The following CHD3 variants were observed in gnomAD, a reference collection of about 807,000 sequenced individuals.
CHD3 encodes chromodomain helicase DNA binding protein 3, also known as ATP-dependent chromatin remodeler CHD3.
A neutral mutation model predicts 248.9 loss-of-function variants in CHD3; 52 were observed. The observed-to-expected ratio is 0.21, with a 90% CI of 0.17 to 0.26. The LOEUF is 0.26. Ranked by LOEUF, CHD3 falls within the 10% of genes least tolerant of loss-of-function variation. The pLI, the probability that CHD3 is intolerant of heterozygous loss-of-function variation, is 1.00. For missense variants in CHD3, 1,482 were observed against 2,605.8 expected (o/e 0.57, Z 9.39); for synonymous variants, 985 against 985.2 (o/e 1.00, Z 0.00).
chr17:7,891,670 A>G (rs910293014), intron 4 of CHD3, among the ~76,000 whole-genome samples: 1 of 152,038 alleles, frequency 6.6e-6, no homozygotes, highest in Non-Finnish European at 1.5e-5. Flanking sequence ...GGACCAGCCC[A>G]TCCAACATGG....
chr17:7,908,121 T>A lies in CHD3; in HGVS notation c.5152+102T>A. 2.9e-6 allele frequency: 4 copies of A among 1,370,572 alleles called. No individual in the cohort carries two copies. Among genetic ancestry groups the A allele is most frequent in the Non-Finnish European group, 4.0e-6 (4 of 1,003,172 alleles). The allele number at this position is 1,370,572 out of a possible 1,614,324, so 84.9% of individuals were successfully genotyped here. A position where few individuals can be genotyped will look rare whatever the true frequency, so the allele number is the denominator to read the frequency against. ...GCTTCCTGCTACCTTTAATTCCAAG[T>A]AACTTCCAATGAAGTATGTTGCATG... On this transcript the variant is annotated intron_variant, in intron 34 of 39. Coordinates refer to ENST00000330494, the MANE Select transcript of CHD3 (RefSeq NM_001005273.3). This position sits in a 1 kb window ranked among gnomAD's most constrained non-coding sequence, Gnocchi z 5.8.
intron 12 of CHD3, 137 bp from the exon 13 acceptor site, chr17:7,898,358 AG>A: frequency 1.3e-6 from 1 of 748,882 alleles, no homozygotes; most frequent in Non-Finnish European, 2.2e-6. Context: ...CCAAAGGGCA[AG>A]GGTAAAGAGC....
chr17:7,908,239 C>A lies in CHD3; in HGVS notation c.5153-163C>A, dbSNP rs1435153689. Among the ~76,000 whole-genome samples, 1 of 152,204 alleles carries A rather than the reference C, an allele frequency of 6.6e-6. No homozygotes were observed. The highest frequency in any genetic ancestry group is 1.5e-5 in the Non-Finnish European group (1 of 68,046). ...CACCTTTATTCTTAATTCTAACGAA[C>A]CTGGTTAGAACTGAGTTTGTTCCAA... is the stretch of plus-strand genomic sequence containing the variant. On this transcript the variant is annotated intron_variant, in intron 34 of 39. Coordinates refer to ENST00000330494, the MANE Select transcript of CHD3 (RefSeq NM_001005273.3). The surrounding 1 kb of genome is among the most constrained non-coding windows in gnomAD (Gnocchi z 5.8).
chr17:7,886,100 A>G (rs1280227356), upstream of CHD3, among the ~76,000 whole-genome samples: 1 of 151,738 alleles, frequency 6.6e-6, no homozygotes. This position sits in a 1 kb window ranked among gnomAD's most constrained non-coding sequence, Gnocchi z 4.2. Flanking sequence ...ATTCACTGTC[A>G]CTCACTCTCT....
At chr17:7,887,257 C>A (rs1461359927), upstream of CHD3, among the ~76,000 whole-genome samples, 1 of 152,152 alleles carries the variant, frequency 6.6e-6, no homozygotes. Flanking sequence ...TGCTTTGATT[C>A]TCACCATTTT....
rs1419476444 is a variant in CHD3 at position 7,889,076 on chromosome 17, C to CAGGA, written c.76_77insAGGA (p.Leu26GlnfsTer6). On this transcript the variant is annotated frameshift_variant, in exon 1 of 40. Coordinates refer to ENST00000330494, the MANE Select transcript of CHD3 (RefSeq NM_001005273.3). LOFTEE classifies it high-confidence loss of function. The surrounding 1 kb of genome is among the most constrained non-coding windows in gnomAD (Gnocchi z 4.5). ...GCTGAGGATTTCTTTTCCTCCAGGA[C>CAGGA]TGTGTTGGGGTGACAGGATGCCTGG... The CAGGA allele has an allele frequency of 5.6e-6, 9 of 1,614,200 alleles. No individual in the cohort carries two copies. The highest frequency in any genetic ancestry group is 7.6e-6 in the Non-Finnish European group (9 of 1,180,032).
chr17:7,890,374 A>T, intron 2 of CHD3, 197 bp from the exon 3 acceptor site: 1 of 435,190 alleles, frequency 2.3e-6, no homozygotes, highest in Non-Finnish European at 4.1e-6. Flanking sequence ...GGTTGCAGTG[A>T]GCCGAGATCA....
upstream of CHD3, chr17:7,884,866 G>T: frequency 7.9e-7 from 1 of 1,258,328 alleles, no homozygotes; most frequent in East Asian, 3.1e-5. Context: ...TGTCGGAGGA[G>T]GAAGAAGAGG....
chr17:7,889,636 AG>A lies in CHD3; in HGVS notation c.101-26del. 1 of 1,590,488 alleles carries A rather than the reference AG, an allele frequency of 6.3e-7. No homozygotes were observed. Among genetic ancestry groups the A allele is most frequent in the Non-Finnish European group, 8.6e-7 (1 of 1,165,744 alleles). ...TCAGAGGCTGGAAACCTAGAGGCTT[AG>A]GTTTTCTGATGCTTTTTGCTTCAAA... On this transcript the variant is annotated intron_variant, in intron 1 of 39. Transcript: ENST00000330494. The surrounding 1 kb of genome is among the most constrained non-coding windows in gnomAD (Gnocchi z 4.5).
Position 7,899,673 on chromosome 17 carries a change from A to C in CHD3, c.2544+130A>C, listed in dbSNP as rs1005241803. The C allele has an allele frequency of 1.3e-5, 14 of 1,055,990 alleles. No individual in the cohort carries two copies. In the South Asian group the frequency reaches 1.9e-4, roughly 15 times the overall value. The allele number at this position is 1,055,990 out of a possible 1,614,324, so 65.4% of individuals were successfully genotyped here. On this transcript the variant is annotated intron_variant, in intron 15 of 39. Transcript: ENST00000330494. The surrounding 1 kb of genome is among the most constrained non-coding windows in gnomAD (Gnocchi z 6.8). ...CCTCCACCTGTCCTCCTGTCTCTGC[A>C]CTACCATCCTAGAGATATGGCAGGT...
rs1970733617 is a variant in CHD3 at position 7,904,885 on chromosome 17, G to T, written c.4073-215G>T. Among the ~76,000 whole-genome samples, 1 of 152,166 alleles carries T rather than the reference G, an allele frequency of 6.6e-6. No homozygotes were observed. The highest frequency in any genetic ancestry group is 6.5e-5 in the Admixed American group (1 of 15,274). On this transcript the variant is annotated intron_variant, in intron 25 of 39. Transcript: ENST00000330494. This position sits in a 1 kb window ranked among gnomAD's most constrained non-coding sequence, Gnocchi z 4.4. ...AGTAGGTTTTGCAGGAGAAGCAGAGGGGCCCAGAGACTGAAGGTGGGCGGT... is the reference window on the plus strand; with the variant it reads ...AGTAGGTTTTGCAGGAGAAGCAGAGTGGCCCAGAGACTGAAGGTGGGCGGT...
chr17:7,907,941 C>T lies in CHD3; in HGVS notation c.5074C>T (p.Pro1692Ser). Residue 1692 changes from proline to serine, a missense_variant, in exon 34 of 40, where the codon CCA becomes TCA. By Grantham distance (74) the Pro-to-Ser change is moderately conservative (BLOSUM62 -1). This residue lies in a region of CHD3 where 254 missense variants were observed against 266.7 expected (regional missense o/e 0.95). Coordinates refer to ENST00000330494, the MANE Select transcript of CHD3 (RefSeq NM_001005273.3). This position sits in a 1 kb window ranked among gnomAD's most constrained non-coding sequence, Gnocchi z 4.3. ...RELRPGPRDE[P>S]RSNGRREEKT... ...GCTTCGACCAGGGCCTCGAGATGAG[C>T]CACGGTCCAATGGGCGACGAGAGGA... 2 of 1,613,118 alleles carry T rather than the reference C, an allele frequency of 1.2e-6. No individual in the cohort carries two copies. Among genetic ancestry groups the T allele is most frequent in the Non-Finnish European group, 1.7e-6 (2 of 1,179,266 alleles).
At position 7,899,565 on chromosome 17, in the gene CHD3, C is replaced by T; in HGVS notation, c.2544+22C>T. ...GAAGGTAAGACCCTCTACCTCATAT[C>T]CTCTGAGACCCTCAAAGCTGTCACT... On this transcript the variant is annotated intron_variant, in intron 15 of 39. Coordinates refer to ENST00000330494, the MANE Select transcript of CHD3 (RefSeq NM_001005273.3). The surrounding 1 kb of genome is among the most constrained non-coding windows in gnomAD (Gnocchi z 6.8). 2.5e-6 allele frequency: 4 copies of T among 1,598,098 alleles called. No individual in the cohort carries two copies. The highest frequency in any genetic ancestry group is 3.4e-6 in the Non-Finnish European group (4 of 1,167,166).
At position 7,898,579 on chromosome 17, in the gene CHD3, G is replaced by T. The variant is rs771984924; in HGVS notation, c.2135G>T (p.Ser712Ile). ...GAGCTACAGGGTGATGGGCCTCCCA[G>T]TTCTCCCACTAATGATGTGAGTCCT... ...KKELQGDGPP[S>I]SPTNDPTVKY... The change falls in exon 13 of 40, where the codon AGT becomes ATT. Residue 712 changes from serine to isoleucine, a missense_variant. Physicochemically the swap from Ser to Ile is moderately radical, Grantham distance 142. This residue lies in a region of CHD3 where 127 missense variants were observed against 188.3 expected (regional missense o/e 0.67). Transcript: ENST00000330494. 1.4e-5 allele frequency: 22 copies of T among 1,613,462 alleles called. No individual in the cohort carries two copies. Among genetic ancestry groups the T allele is most frequent in the Non-Finnish European group, 1.8e-5 (21 of 1,179,442 alleles).
At chr17:7,892,802 C>A (rs968027430) in intron 4 of CHD3, among the ~76,000 whole-genome samples, 1 of 151,970 alleles carries the variant, frequency 6.6e-6, no homozygotes, top group Non-Finnish European at 1.5e-5. Flanking sequence ...GCCTATTTCC[C>A]TTTTTTTAAA....
rs1305373745 is a variant in CHD3 at position 7,907,589 on chromosome 17, C to A, written c.4925-12C>A. 1 of 1,511,272 alleles carries A rather than the reference C, an allele frequency of 6.6e-7. No individual in the cohort carries two copies. The allele number at this position is 1,511,272 out of a possible 1,614,324, so 93.6% of individuals were successfully genotyped here. ...AACATCCTCCCTTCCTATCCCCTACCCCCTCCCACAGCCACAGAGTCGACG... is the reference window on the plus strand; with the variant it reads ...AACATCCTCCCTTCCTATCCCCTACACCCTCCCACAGCCACAGAGTCGACG... On this transcript the variant is annotated splice_polypyrimidine_tract_variant and intron_variant, in intron 32 of 39. Coordinates refer to ENST00000330494, the MANE Select transcript of CHD3 (RefSeq NM_001005273.3). The surrounding 1 kb of genome is among the most constrained non-coding windows in gnomAD (Gnocchi z 4.3).
chr17:7,906,008 G>A lies in CHD3; in HGVS notation c.4358+19G>A. ...AGTTTAAGTGAGTGTGGGTGATACAGGGCTGAGTTGGACGCAAGGGGAAGA... is the reference window on the plus strand; with the variant it reads ...AGTTTAAGTGAGTGTGGGTGATACAAGGCTGAGTTGGACGCAAGGGGAAGA... On this transcript the variant is annotated intron_variant, in intron 28 of 39. Transcript: ENST00000330494. This position sits in a 1 kb window ranked among gnomAD's most constrained non-coding sequence, Gnocchi z 5.0. The A allele has an allele frequency of 6.2e-7, 1 of 1,612,968 alleles. No homozygotes were observed. The highest frequency in any genetic ancestry group is 8.5e-7 in the Non-Finnish European group (1 of 1,179,240).
chr17:7,885,484 G>A (rs1230925621), upstream of CHD3, among the ~76,000 whole-genome samples: 1 of 151,480 alleles, frequency 6.6e-6, no homozygotes, highest in African/African-American at 2.4e-5. Context: ...CCAAGGCGAA[G>A]CCAGGGCCCC....
In CHD3 at chr17:7,910,505, C is replaced by G. The variant is rs775779961; in HGVS notation, c.5668C>G (p.Pro1890Ala). 30 of 1,613,796 alleles carry G rather than the reference C, an allele frequency of 1.9e-5. No homozygotes were observed. The highest frequency in any genetic ancestry group is 2.1e-5 in the Non-Finnish European group (25 of 1,180,022). Residue 1890 changes from proline (P) to alanine (A), a missense_variant, in exon 38 of 40, where the codon CCC becomes GCC. By Grantham distance (27) the Pro-to-Ala change is conservative (BLOSUM62 -1). This residue lies in a region of CHD3 where 83 missense variants were observed against 181.0 expected (regional missense o/e 0.46). Coordinates refer to ENST00000330494, the MANE Select transcript of CHD3 (RefSeq NM_001005273.3). The surrounding 1 kb of genome is among the most constrained non-coding windows in gnomAD (Gnocchi z 4.7). ...TRLPATLSRI[P>A]PIAARLQMSE... The stretch of plus-strand genomic sequence containing the variant: ...CCTGCCAGCCACGCTGTCCCGAATA[C>G]CCCCCATCGCAGCCCGCCTTCAGAT...
Sources: allele counts gnomAD v4.1 joint callset (sites outside exome capture counted in the v4.1 genomes callset), GRCh38; gene constraint gnomAD v4.1.1; regional missense constraint gnomAD v4.1.1; non-coding constraint Gnocchi (gnomAD v3.1); transcripts MANE v1.5; gene names NCBI Gene and HGNC (gene_info 2026-07-23, HGNC 2026-07-21).